The following APC variants were observed in gnomAD, a reference collection of about 807,000 sequenced individuals.
The protein encoded by APC is APC regulator of Wnt signaling pathway, also known as adenomatous polyposis coli protein.
APC carries 72 observed loss-of-function variants against 247.0 expected under a neutral mutation model. That is an observed-to-expected ratio of 0.29 (90% CI 0.24 to 0.35). The LOEUF (loss-of-function observed/expected upper bound fraction) is 0.35, where lower values mean the gene tolerates loss of function less well. Ranked by LOEUF, APC falls within the 10% of genes least tolerant of loss-of-function variation. The probability of loss-of-function intolerance (pLI) is 1.00; values close to 1 mark genes in which losing one functional copy is unlikely to be tolerated. For missense variants in APC, 3,400 were observed against 3,360.7 expected, an observed-to-expected ratio of 1.01 and a Z score of -0.29; for synonymous variants, 1,254 against 1,162.5, an observed-to-expected ratio of 1.08 and a Z score of -1.60.
At chr5:112,728,541 G>C (rs541793918) in intron 1 of APC, among the ~76,000 whole-genome samples, 1 of 152,146 alleles carries the variant, frequency 6.6e-6, no homozygotes, top group East Asian at 1.9e-4. Context: ...AGTTTTAACC[G>C]ATTAGGACAT....
chr5:112,742,732 T>TGG lies in APC; in HGVS notation c.-19+4807_-19+4808insGG, dbSNP rs1300234726. 2.0e-5 allele frequency among the ~76,000 whole-genome samples: 3 copies of TGG among 152,298 alleles called. No individual in the cohort carries two copies. In the East Asian group the frequency reaches 5.8e-4, roughly 29 times the overall value. ...ACCTAGACTCAGAAGCCACACACCA[T>TGG]TGCTTCTGCTGTATTCTCTTTATTA... On this transcript the variant is annotated intron_variant, in intron 1 of 15. Transcript: ENST00000257430.
rs1766523945 is a variant in APC at position 112,843,206 on chromosome 5, A to G, written c.7612A>G (p.Arg2538Gly). Residue 2538 changes from arginine (R) to glycine (G), a missense_variant, in exon 16 of 16, where the codon AGA becomes GGA. Physicochemically the swap from Arg to Gly is moderately radical, Grantham distance 125. Around this residue, in one of 9 missense-constraint regions of APC, gnomAD observed 1,788 missense variants for 1,649.5 expected, o/e 1.08. Coordinates refer to ENST00000257430, the MANE Select transcript of APC (RefSeq NM_000038.6). This position sits in a 1 kb window ranked among gnomAD's most constrained non-coding sequence, Gnocchi z 4.8. Reference sequence around the variant, plus strand: ...ACGGTCTCATTCTGAAAGTCCTTCTAGACTTCCAATCAATAGGTCAGGAAC... The same window carrying G: ...ACGGTCTCATTCTGAAAGTCCTTCTGGACTTCCAATCAATAGGTCAGGAAC... ...IARSHSESPS[R>G]LPINRSGTWK... is the part of the protein sequence containing the mutation. 6.2e-7 allele frequency: 1 copy of G among 1,613,472 alleles called. No homozygotes were observed. Among genetic ancestry groups the G allele is most frequent in the Non-Finnish European group, 8.5e-7 (1 of 1,179,390 alleles).
In APC at chr5:112,843,820, AAAT is replaced by A. The variant is rs766306543; in HGVS notation, c.8230_8232del (p.Asn2744del). 1 of 1,614,102 alleles carries A rather than the reference AAAT, an allele frequency of 6.2e-7. No homozygotes were observed. Among genetic ancestry groups the A allele is most frequent in the South Asian group, 1.1e-5 (1 of 91,080 alleles). ...AAGGAACTGAGATAAAACCAGGACA[AAAT>A]AATCCTGTCCCTGTATCAGAGACTA... is the stretch of plus-strand genomic sequence containing the variant. On this transcript the variant is annotated inframe_deletion, in exon 16 of 16. Coordinates refer to ENST00000257430, the MANE Select transcript of APC (RefSeq NM_000038.6). The surrounding 1 kb of genome is among the most constrained non-coding windows in gnomAD (Gnocchi z 4.8).
At chr5:112,774,826 T>C (rs1757435534) in intron 4 of APC, among the ~76,000 whole-genome samples, 2 of 152,164 alleles carry the variant, frequency 1.3e-5, no homozygotes, top group South Asian at 4.1e-4. Context: ...ACATACACTA[T>C]AATAATATGC....
At chr5:112,725,111 G>A (rs1183157404) in intron 1 of APC, among the ~76,000 whole-genome samples, 1 of 152,004 alleles carries the variant, frequency 6.6e-6, no homozygotes, top group Non-Finnish European at 1.5e-5. Flanking sequence ...AGCCTCCCCA[G>A]TTACAGACAC....
In APC at chr5:112,842,174, G is replaced by A. The variant is rs1554087547; in HGVS notation, c.6580G>A (p.Val2194Ile). ...ESKGIKGGKK[V>I]YKSLITGKVR... is the part of the protein sequence containing the mutation. ...TAAAGGAATCAAAGGAGGAAAAAAA[G>A]TTTATAAAAGTTTGATTACTGGAAA... The change falls in exon 16 of 16, where the codon GTT (valine) becomes ATT (isoleucine). Residue 2194 changes from valine (V) to isoleucine (I), a missense_variant. Physicochemically the swap from Val to Ile is conservative, Grantham distance 29. Transcript: ENST00000257430. The A allele has an allele frequency of 1.9e-6, 3 of 1,612,794 alleles. No individual in the cohort carries two copies. The highest frequency in any genetic ancestry group is 8.5e-7 in the Non-Finnish European group (1 of 1,179,032).
chr5:112,812,123 G>A (rs1303066243), intron 8 of APC, among the ~76,000 whole-genome samples: 1 of 152,158 alleles, frequency 6.6e-6, no homozygotes, highest in African/African-American at 2.4e-5. Flanking sequence ...TATCTTGAGA[G>A]TGCTTCTCAT....
At chr5:112,802,614 A>G (rs1420820365) in intron 8 of APC, among the ~76,000 whole-genome samples, 1 of 152,138 alleles carries the variant, frequency 6.6e-6, no homozygotes. Context: ...ACATCAAAAT[A>G]AATTCTAAGT....
chr5:112,785,639 G>T (rs1758850886), intron 6 of APC, among the ~76,000 whole-genome samples: 1 of 152,102 alleles, frequency 6.6e-6, no homozygotes, highest in African/African-American at 2.4e-5. Context: ...AATAGCACAG[G>T]AATAAATTTA....
At position 112,727,735 on chromosome 5, in the gene APC, G is replaced by A. The variant is rs1400477771; in HGVS notation, c.165+19853G>A. ...CTCTTTCTTGAATCCACATGCATAA[G>A]CATTTGGTGCTGTTTTGGTAACCTT... On this transcript the variant is annotated intron_variant, in intron 1 of 13. Coordinates refer to the APC transcript ENST00000507379. Among the ~76,000 whole-genome samples, 10 of 151,876 alleles carry A rather than the reference G, an allele frequency of 6.6e-5. No individual in the cohort carries two copies. In the East Asian group the frequency reaches 1.5e-3, roughly 23 times the overall value.
intron 2 of APC, among the ~76,000 whole-genome samples, chr5:112,766,095 T>C (rs1054424445): frequency 5.9e-5 from 9 of 152,140 alleles, no homozygotes; most frequent in Admixed American, 2.6e-4. Context: ...TAAATGTGTT[T>C]CTAATACCTT....
intron 1 of APC, among the ~76,000 whole-genome samples, chr5:112,738,669 A>G (rs1341863729): frequency 8.5e-5 from 13 of 152,242 alleles, no homozygotes; most frequent in Admixed American, 7.2e-4. Context: ...CGAAAAGACA[A>G]CTGCAGAGGA....
intron 6 of APC, among the ~76,000 whole-genome samples, chr5:112,784,309 C>T (rs535530861): frequency 1.3e-5 from 2 of 152,344 alleles, no homozygotes; most frequent in South Asian, 4.1e-4. Context: ...CTCAAGTGAT[C>T]TGCCTGCCTT....
intron 1 of APC, among the ~76,000 whole-genome samples, chr5:112,750,509 C>G (rs1754231863): frequency 1.5e-5 from 2 of 133,972 alleles, no homozygotes; most frequent in Non-Finnish European, 3.3e-5. Context: ...TTTTGTTTTT[C>G]ATCAACCTCA....
chr5:112,839,534 A>G lies in APC; in HGVS notation c.3940A>G (p.Arg1314Gly). Residue 1314 changes from arginine to glycine, a missense_variant, in exon 16 of 16, where the codon AGG becomes GGG. Arg to Gly is a moderately radical substitution (Grantham distance 125). Transcript: ENST00000257430. This position sits in a 1 kb window ranked among gnomAD's most constrained non-coding sequence, Gnocchi z 5.0. ...IAEIKEKIGTRSAEDPVSEVP... is the reference protein window; with the variant it reads ...IAEIKEKIGTGSAEDPVSEVP... ...AGAAATAAAAGAAAAGATTGGAACTAGGTCAGCTGAAGATCCTGTGAGCGA... is the reference window on the plus strand; with the variant it reads ...AGAAATAAAAGAAAAGATTGGAACTGGGTCAGCTGAAGATCCTGTGAGCGA... The G allele has an allele frequency of 6.2e-7, 1 of 1,614,210 alleles. No individual in the cohort carries two copies. The highest frequency in any genetic ancestry group is 8.5e-7 in the Non-Finnish European group (1 of 1,180,024).
At chr5:112,712,009 A>G (rs577758519) in intron 1 of APC, among the ~76,000 whole-genome samples, 1 of 152,364 alleles carries the variant, frequency 6.6e-6, no homozygotes, top group East Asian at 1.9e-4. Context: ...TTGATTAAAC[A>G]AACATAGATC....
chr5:112,764,245 CA>C (rs71683434), intron 2 of APC, among the ~76,000 whole-genome samples: 59,000 of 105,036 alleles, frequency 0.56, 12,933 homozygotes, highest in East Asian at 0.66. Context: ...GACTCCGTCT[CA>C]AAAAAAAAAA....
intron 2 of APC, among the ~76,000 whole-genome samples, chr5:112,764,739 A>T (rs1247879274): frequency 6.6e-6 from 1 of 152,192 alleles, no homozygotes; most frequent in Non-Finnish European, 1.5e-5. Context: ...AGAAATAAGG[A>T]TAAGATTAAA....
chr5:112,734,128 G>T (rs922550318), upstream of APC, among the ~76,000 whole-genome samples: 4 of 152,174 alleles, frequency 2.6e-5, no homozygotes, highest in Non-Finnish European at 5.9e-5. Context: ...AGGAGTTCGA[G>T]GTTACAGGGA....
Sources: allele counts gnomAD v4.1 joint callset (sites outside exome capture counted in the v4.1 genomes callset), GRCh38; gene constraint gnomAD v4.1.1; regional missense constraint gnomAD v4.1.1; non-coding constraint Gnocchi (gnomAD v3.1); transcripts MANE v1.5; gene names NCBI Gene and HGNC (gene_info 2026-07-23, HGNC 2026-07-21).